Variants in FHOD3 observed in about 807,000 individuals in gnomAD.
The protein encoded by FHOD3 is formin homology 2 domain containing 3.
A neutral mutation model predicts 173.0 loss-of-function variants in FHOD3; 90 were observed. The observed-to-expected ratio is 0.52, with a 90% confidence interval of 0.44 to 0.62. The LOEUF (loss-of-function observed/expected upper bound fraction) is 0.62, where lower values mean the gene tolerates loss of function less well. FHOD3 is among the 20% of genes least tolerant of loss of function. FHOD3 has a pLI of 0.00. For synonymous variants in FHOD3, 828 were observed against 823.0 expected (o/e 1.01, Z -0.10); for missense variants, 1,945 against 2,034.7 (o/e 0.96, Z 0.85).
chr18:36,513,301 T>G (rs1482866281), intron 5 of FHOD3, among the ~76,000 whole-genome samples: 1 of 152,138 alleles, frequency 6.6e-6, no homozygotes, highest in African/African-American at 2.4e-5. Context: ...TTTTATATCG[T>G]CCAATATTAT....
intron 4 of FHOD3, among the ~76,000 whole-genome samples, chr18:36,510,917 C>T (rs910787136): frequency 2.0e-5 from 3 of 152,140 alleles, no homozygotes; most frequent in Admixed American, 2.0e-4. Flanking sequence ...AGAGCTCTTT[C>T]CTGGTTCAAA....
intron 3 of FHOD3, among the ~76,000 whole-genome samples, chr18:36,476,381 C>T (rs2053576275): frequency 6.6e-6 from 1 of 152,204 alleles, no homozygotes; most frequent in African/African-American, 2.4e-5. Flanking sequence ...CCCTTGGCTA[C>T]AGGGTTCAGG....
chr18:36,463,818 A>G (rs960563955), intron 3 of FHOD3, among the ~76,000 whole-genome samples: 33 of 152,230 alleles, frequency 2.2e-4, no homozygotes, highest in African/African-American at 7.2e-4. Flanking sequence ...TTTGCAGAAA[A>G]TATAAATGTT....
chr18:36,470,194 G>A (rs998241515), intron 3 of FHOD3, among the ~76,000 whole-genome samples: 1 of 152,142 alleles, frequency 6.6e-6, no homozygotes, highest in Admixed American at 6.5e-5. Flanking sequence ...AGGCCTCCGG[G>A]GGGTTTCTCT....
intron 6 of FHOD3, among the ~76,000 whole-genome samples, chr18:36,587,568 G>T (rs2059078304): frequency 6.6e-6 from 1 of 152,170 alleles, no homozygotes; most frequent in African/African-American, 2.4e-5. Context: ...GAGGAGGGTG[G>T]ATCATCTGAG....
At chr18:36,320,824 A>G (rs916169548) in intron 1 of FHOD3, among the ~76,000 whole-genome samples, 4 of 152,234 alleles carry the variant, frequency 2.6e-5, no homozygotes, top group Non-Finnish European at 4.4e-5. Flanking sequence ...TTCATTGAGC[A>G]CCTGCTAAGC....
Position 36,626,804 on chromosome 18 carries a change from T to C in FHOD3, c.1196+1055T>C, listed in dbSNP as rs538100606. Among the ~76,000 whole-genome samples the C allele has an allele frequency of 4.6e-5, 7 of 152,272 alleles. No homozygotes were observed. The East Asian group carries it at 9.7e-4, about 21-fold the overall frequency. ...ACCTTAAGAAAGAGTGATCAAGATA[T>C]ATCCCTCCTCTCCATCTCTAAGGGA... is the stretch of plus-strand genomic sequence containing the variant. On this transcript the variant is annotated intron_variant, in intron 10 of 28. Coordinates refer to ENST00000590592, the MANE Select transcript of FHOD3 (RefSeq NM_001281740.3).
chr18:36,754,540 T>C (rs939661304), intron 24 of FHOD3, among the ~76,000 whole-genome samples: 12 of 152,028 alleles, frequency 7.9e-5, no homozygotes, highest in African/African-American at 2.7e-4. Context: ...ATTAATATTA[T>C]ATATAATATC....
At chr18:36,709,629 C>T (rs2040063000) in intron 18 of FHOD3, 1 of 504,974 alleles carries the variant, frequency 2.0e-6, no homozygotes, top group Non-Finnish European at 3.5e-6. Flanking sequence ...TCACATTCAT[C>T]ACCTCCACAC....
At chr18:36,771,443 A>C (rs1356578120) in intron 28 of FHOD3, among the ~76,000 whole-genome samples, 1 of 152,154 alleles carries the variant, frequency 6.6e-6, no homozygotes, top group Admixed American at 6.5e-5. Flanking sequence ...CTTCACTCTG[A>C]GGAGGCTGAG....
chr18:36,688,544 A>C (rs1251865670), intron 16 of FHOD3, among the ~76,000 whole-genome samples: 1 of 152,246 alleles, frequency 6.6e-6, no homozygotes, highest in East Asian at 1.9e-4. Context: ...CTGCTAAAGA[A>C]ATAGGAAGCT....
chr18:36,587,170 A>C (rs1282480896), intron 6 of FHOD3, among the ~76,000 whole-genome samples: 4 of 152,170 alleles, frequency 2.6e-5, no homozygotes, highest in African/African-American at 7.2e-5. Flanking sequence ...GAACTTCTCA[A>C]AGTAGAATGC....
intron 3 of FHOD3, among the ~76,000 whole-genome samples, chr18:36,458,413 C>A (rs901297221): frequency 1.3e-5 from 2 of 152,112 alleles, no homozygotes; most frequent in African/African-American, 4.8e-5. Context: ...TTTGGCAGCA[C>A]GTACTTCCAA....
chr18:36,629,615 T>C lies in FHOD3; in HGVS notation c.1196+3866T>C, dbSNP rs56281108. 5.3e-3 allele frequency among the ~76,000 whole-genome samples: 806 copies of C among 152,184 alleles called. 9 individuals carry two copies. Among genetic ancestry groups the C allele is most frequent in the African/African-American group, 0.018 (765 of 41,502 alleles). ...TGGGGAACAGTATTCTTAGATTTGGTGTTAGAGCAAGGAAGTCAAAGGAAT... is the reference window on the plus strand; with the variant it reads ...TGGGGAACAGTATTCTTAGATTTGGCGTTAGAGCAAGGAAGTCAAAGGAAT... On this transcript the variant is annotated intron_variant, in intron 10 of 28. Coordinates refer to ENST00000590592, the MANE Select transcript of FHOD3 (RefSeq NM_001281740.3).
intron 10 of FHOD3, among the ~76,000 whole-genome samples, chr18:36,637,648 G>T (rs983012195): frequency 6.6e-6 from 1 of 152,236 alleles, no homozygotes; most frequent in African/African-American, 2.4e-5. Context: ...TCATAAGACA[G>T]AGTGCAAATA....
chr18:36,398,103 G>C (rs1598964539), intron 3 of FHOD3, among the ~76,000 whole-genome samples: 1 of 152,330 alleles, frequency 6.6e-6, no homozygotes, highest in East Asian at 1.9e-4. Flanking sequence ...ACCCAGAAAT[G>C]AATGGGTTTT....
intron 10 of FHOD3, among the ~76,000 whole-genome samples, chr18:36,637,202 C>G (rs2034953346): frequency 6.6e-6 from 1 of 152,200 alleles, no homozygotes; most frequent in South Asian, 2.1e-4. Flanking sequence ...TTTGATATTA[C>G]AGTTACTGAT....
chr18:36,300,231 C>A (rs1013842849), intron 1 of FHOD3, among the ~76,000 whole-genome samples: 1 of 152,192 alleles, frequency 6.6e-6, no homozygotes, highest in Non-Finnish European at 1.5e-5. Context: ...CAAACCAGCC[C>A]TGTGTGACTC....
intron 1 of FHOD3, among the ~76,000 whole-genome samples, chr18:36,309,522 T>A (rs886646237): frequency 6.6e-6 from 1 of 152,230 alleles, no homozygotes; most frequent in Non-Finnish European, 1.5e-5. Flanking sequence ...CTCATTCCCA[T>A]ATCAGATCAT....
Sources: gnomAD v4.1 joint callset for allele counts (sites outside exome capture counted in the v4.1 genomes callset) on GRCh38, gnomAD v4.1.1 for gene constraint, MANE v1.5 for transcripts, NCBI Gene and HGNC (gene_info 2026-07-23, HGNC 2026-07-21) for gene names.